NUP210: variants seen among roughly 807,000 people sequenced by gnomAD.
NUP210 encodes the protein nuclear pore membrane glycoprotein 210.
In NUP210, 151 loss-of-function variants were observed where a neutral mutation model predicts 196.0. That is an observed-to-expected ratio of 0.77 (90% CI 0.67 to 0.88). The LOEUF is 0.88. NUP210 is among the 40% of genes least tolerant of loss of function. The pLI is 0.00. For missense variants in NUP210, 2,314 were observed against 2,493.7 expected (o/e 0.93, Z 1.53); for synonymous variants, 1,070 against 1,052.7 (o/e 1.02, Z -0.32).
At position 13,397,318 on chromosome 3, in the gene NUP210, A is replaced by G. The variant is rs1289902594; in HGVS notation, c.436+39T>C. On this transcript the variant is annotated intron_variant, in intron 3 of 39. Coordinates refer to ENST00000254508, the MANE Select transcript of NUP210 (RefSeq NM_024923.4). ...AGTCATGGTGGGGGGATGATCTAGC[A>G]TGGGCTGCAGAAGACAAACAGGCAG... 2.5e-6 allele frequency: 4 copies of G among 1,596,510 alleles called. No homozygotes were observed. In the South Asian group the frequency reaches 4.5e-5, roughly 18 times the overall value.
intron 25 of NUP210, among the ~76,000 whole-genome samples, chr3:13,339,388 C>T (rs955755677): frequency 6.6e-6 from 1 of 152,194 alleles, no homozygotes; most frequent in Admixed American, 6.5e-5. Flanking sequence ...AGGTTTCTGG[C>T]GCAGCTGTGA....
chr3:13,372,913 G>C (rs763534044), intron 12 of NUP210, among the ~76,000 whole-genome samples: 1 of 152,168 alleles, frequency 6.6e-6, no homozygotes, highest in Non-Finnish European at 1.5e-5. Context: ...GGGGTGAGAG[G>C]ACAGGGGTCC....
rs1426897096 is a variant in NUP210 at position 13,348,297 on chromosome 3, T to G, written c.2835+3582A>C. On this transcript the variant is annotated intron_variant, in intron 20 of 39. Coordinates refer to ENST00000254508, the MANE Select transcript of NUP210 (RefSeq NM_024923.4). This position sits in a 1 kb window ranked among gnomAD's most constrained non-coding sequence, Gnocchi z 4.0. Reference sequence around the variant, plus strand: ...ATGCCTCCAGAGACAGGGAGCTCACTACCTACAGCGGCAGCCTAGTCCATC... The same window carrying G: ...ATGCCTCCAGAGACAGGGAGCTCACGACCTACAGCGGCAGCCTAGTCCATC... 1 of 794,976 alleles carries G rather than the reference T, an allele frequency of 1.3e-6. No homozygotes were observed. Among genetic ancestry groups the G allele is most frequent in the Non-Finnish European group, 1.5e-6 (1 of 656,300 alleles). 49.2% of individuals were successfully genotyped at this position (794,976 alleles called of 1,614,324 possible). A position where few individuals can be genotyped will look rare whatever the true frequency, so the allele number is the denominator to read the frequency against.
intron 13 of NUP210, among the ~76,000 whole-genome samples, chr3:13,369,069 AGT>A (rs1391745234): frequency 2.0e-5 from 3 of 152,218 alleles, no homozygotes; most frequent in Admixed American, 2.0e-4. Flanking sequence ...TAAGAGTTCC[AGT>A]GTCTTCACAT....
At chr3:13,331,046 C>T (rs925388655) in intron 29 of NUP210, among the ~76,000 whole-genome samples, 7 of 152,010 alleles carry the variant, frequency 4.6e-5, no homozygotes, top group South Asian at 2.1e-4. Flanking sequence ...GCTTTGAGTC[C>T]GACAGAATCC....
rs187496423 is a variant in NUP210 at position 13,390,157 on chromosome 3, G to A, written c.533+1054C>T. ...GTGTTCGTTTCCTAGTGCCATGACT[G>A]CATGGTGGCCGTGCAGGACAATGCC... On this transcript the variant is annotated intron_variant, in intron 4 of 39. Transcript: ENST00000254508. Among the ~76,000 whole-genome samples the A allele has an allele frequency of 6.6e-4, 100 of 152,316 alleles. 1 individual carries two copies. In the East Asian group the frequency reaches 0.016, roughly 24 times the overall value.
In NUP210 at chr3:13,376,381, C is replaced by T. The variant is rs778370376; in HGVS notation, c.1203G>A (p.Ser401=). Residue 401 remains serine, a synonymous_variant, in exon 10 of 40, where the codon TCG becomes TCA. Coordinates refer to ENST00000254508, the MANE Select transcript of NUP210 (RefSeq NM_024923.4). ...GATGGTATGACCCATTCTGGGAGGA[C>T]GAGAGCACCTCGAAGAACTCAGCAG... The part of the protein sequence containing the change: ...VLPAEFFEVL[S]SSQNGSYHRI... 38 of 1,614,110 alleles carry T rather than the reference C, an allele frequency of 2.4e-5. No homozygotes were observed. Among genetic ancestry groups the T allele is most frequent in the South Asian group, 3.3e-5 (3 of 91,086 alleles).
At chr3:13,338,620 C>T (rs570199142) in intron 25 of NUP210, among the ~76,000 whole-genome samples, 55 of 152,352 alleles carry the variant, frequency 3.6e-4, no homozygotes, top group East Asian at 1.7e-3. Context: ...GCCCACCCCA[C>T]GGCCTTGGGG....
rs367832331 is a variant in NUP210, at chr3:13,335,445, G to A, written c.3843+9C>T. 6.2e-6 allele frequency: 10 copies of A among 1,609,782 alleles called. No individual in the cohort carries two copies. The African/African-American group carries it at 1.3e-4, about 22-fold the overall frequency. On this transcript the variant is annotated intron_variant, in intron 28 of 39. Coordinates refer to ENST00000254508, the MANE Select transcript of NUP210 (RefSeq NM_024923.4). ...CCCCTTCCCTGTGGCCTTTCCACCT[G>A]CCTCCTACCTGGACTTGGATCTCAT...
chr3:13,352,172 C>G lies in NUP210; in HGVS notation c.2641G>C (p.Val881Leu), dbSNP rs1698001033. The change falls in exon 19 of 40, where the codon GTG becomes CTG. Residue 881 changes from valine (V) to leucine (L), a missense_variant. Transcript: ENST00000254508. ...AGCTCTATGGAGGCCGACAGAGGCA[C>G]CAGAGGGTCATGCTGAAGGACAAGG... The part of the protein sequence containing the change: ...ARTKQPHDPL[V>L]PLSASIELIL... The G allele has an allele frequency of 1.2e-6, 2 of 1,612,896 alleles. No individual in the cohort carries two copies. Among genetic ancestry groups the G allele is most frequent in the South Asian group, 2.2e-5 (2 of 91,030 alleles).
chr3:13,343,333 GGGTGGT>G, intron 20 of NUP210, 30 bp from the exon 21 acceptor site: 2 of 1,593,594 alleles, frequency 1.3e-6, no homozygotes, highest in African/African-American at 1.3e-5. Context: ...GTGGAGGGGT[GGGTGGT>G]GGGTTACGCA....
At chr3:13,361,736 C>T (rs1002426607) in intron 14 of NUP210, among the ~76,000 whole-genome samples, 3 of 152,196 alleles carry the variant, frequency 2.0e-5, no homozygotes, top group African/African-American at 7.2e-5. Flanking sequence ...CAGACCTGAC[C>T]CTGTCCCTTG....
rs373258255 is a variant in NUP210, at chr3:13,319,946, C to T, written c.5200G>A (p.Ala1734Thr). ...KSGSPAVLAF[A>T]KEKSFGWPSF... ...GGCCACCCAAAAGACTTCTCCTTTG[C>T]GAATGCCAGCACGGCCGGGGACCCG... is the stretch of plus-strand genomic sequence containing the variant. The change falls in exon 37 of 40, where the codon GCA becomes ACA. Residue 1734 changes from alanine to threonine, a missense_variant. Coordinates refer to ENST00000254508, the MANE Select transcript of NUP210 (RefSeq NM_024923.4). 38 of 1,614,080 alleles carry T rather than the reference C, an allele frequency of 2.4e-5. No homozygotes were observed. The highest frequency in any genetic ancestry group is 1.1e-4 in the African/African-American group (8 of 75,064).
chr3:13,398,367 C>T (rs771350530), intron 2 of NUP210, among the ~76,000 whole-genome samples: 9 of 152,010 alleles, frequency 5.9e-5, no homozygotes, highest in East Asian at 1.9e-4. Flanking sequence ...TGCTTAAACC[C>T]GGGAGGCAAA....
chr3:13,418,948 CAAAA>C (rs112826426), intron 1 of NUP210, among the ~76,000 whole-genome samples: 6 of 52,508 alleles, frequency 1.1e-4, no homozygotes, highest in Non-Finnish European at 2.6e-4. Flanking sequence ...AACTCCGTCT[CAAAA>C]AAAAAAAAAA....
At chr3:13,342,242 GGA>G (rs1023861457) in intron 21 of NUP210, 119 bp from the exon 22 acceptor site, 19 of 1,277,990 alleles carry the variant, frequency 1.5e-5, no homozygotes, top group African/African-American at 2.9e-5. Context: ...CTGGGAATCA[GGA>G]GAGTCACCCA....
chr3:13,353,767 CTG>C (rs1698066587), intron 17 of NUP210, 107 bp from the exon 18 acceptor site: 2 of 1,253,986 alleles, frequency 1.6e-6, no homozygotes, highest in Admixed American at 1.9e-5. Flanking sequence ...AAACAGACAA[CTG>C]TGTGTGTTGA....
rs1387051511 is a variant in NUP210, at chr3:13,343,283, G to A, written c.2856C>T (p.Gly952=). The A allele has an allele frequency of 2.7e-6, 4 of 1,505,172 alleles. No individual in the cohort carries two copies. The highest frequency in any genetic ancestry group is 1.8e-5 in the Admixed American group (1 of 55,924). The allele number at this position is 1,505,172 out of a possible 1,614,324, so 93.2% of individuals were successfully genotyped here. A position where few individuals can be genotyped will look rare whatever the true frequency, so the allele number is the denominator to read the frequency against. ...GVAMVHPLLP[G]SSTIMIHDLC... is the part of the protein sequence containing the mutation. ...AGTCATGGATCATGATGGTGGATGAGCCCGGGAGCAAAGGGTGCACCTGCA... is the reference window on the plus strand; with the variant it reads ...AGTCATGGATCATGATGGTGGATGAACCCGGGAGCAAAGGGTGCACCTGCA... The change falls in exon 21 of 40, where the codon GGC becomes GGT. Residue 952 remains glycine, a synonymous_variant. Coordinates refer to ENST00000254508, the MANE Select transcript of NUP210 (RefSeq NM_024923.4).
chr3:13,365,926 G>A lies in NUP210; in HGVS notation c.1932+20C>T, dbSNP rs976825951. 1.9e-6 allele frequency: 3 copies of A among 1,613,720 alleles called. No homozygotes were observed. In the African/African-American group the frequency reaches 4.0e-5, roughly 22 times the overall value. On this transcript the variant is annotated intron_variant, in intron 14 of 39. Transcript: ENST00000254508. ...AAGGAGTGGGCAGGGGGGTGGTAAAGGGCAGGGCCCCTGGCTCACCTTGAG... is the reference window on the plus strand; with the variant it reads ...AAGGAGTGGGCAGGGGGGTGGTAAAAGGCAGGGCCCCTGGCTCACCTTGAG...
Sources: allele counts gnomAD v4.1 joint callset (sites outside exome capture counted in the v4.1 genomes callset), GRCh38; gene constraint gnomAD v4.1.1; non-coding constraint Gnocchi (gnomAD v3.1); transcripts MANE v1.5; gene names NCBI Gene and HGNC (gene_info 2026-07-23, HGNC 2026-07-21).